GPR89A: variants seen among roughly 807,000 people sequenced by gnomAD.
GPR89A encodes the protein G protein-coupled receptor 89A.
A neutral mutation model predicts 52.0 loss-of-function variants in GPR89A; 16 were observed. That is an observed-to-expected ratio of 0.31 (90% CI 0.21 to 0.47). GPR89A has a LOEUF of 0.47. Among genes scored for constraint, GPR89A ranks in the 20% least tolerant of loss-of-function variants. The probability of loss-of-function intolerance (pLI) is 1.00; values close to 1 mark genes in which losing one functional copy is unlikely to be tolerated. For missense variants in GPR89A, 135 were observed against 449.4 expected, an observed-to-expected ratio of 0.30 and a Z score of 6.33; for synonymous variants, 55 against 150.9, an observed-to-expected ratio of 0.36 and a Z score of 4.66.
intron 5 of GPR89A, among the ~76,000 whole-genome samples, chr1:145,630,161 A>G (rs1214317726): frequency 8.4e-5 from 12 of 142,146 alleles, no homozygotes; most frequent in Non-Finnish European, 1.7e-4. Context: ...TTGCCTTTGA[A>G]TTACTCATTC....
At chr1:145,660,469 C>T (rs1436152626) in intron 10 of GPR89A, among the ~76,000 whole-genome samples, 1 of 151,882 alleles carries the variant, frequency 6.6e-6, no homozygotes, top group African/African-American at 2.4e-5. Flanking sequence ...TCTAATTAAA[C>T]TAAAGAGCTT....
intron 10 of GPR89A, among the ~76,000 whole-genome samples, chr1:145,651,060 C>G (rs1480355707): frequency 1.3e-5 from 2 of 151,982 alleles, no homozygotes; most frequent in Non-Finnish European, 2.9e-5. Context: ...TGTCATGAAA[C>G]CTTTGCCTGT....
At chr1:145,623,307 TAAAATAAATATTGAATGAATTGGCAC>T (rs1238947835) in intron 4 of GPR89A, 147 bp downstream of exon 4, 46 of 556,090 alleles carry the variant, frequency 8.3e-5, no homozygotes, top group Non-Finnish European at 1.3e-4. Context: ...AAAATAAATA[TAAAATAAATATTGAATGAATTGGCAC>T]AAAATAAATA....
intron 12 of GPR89A, among the ~76,000 whole-genome samples, chr1:145,667,927 C>G (rs1490113330): frequency 6.6e-6 from 1 of 152,148 alleles, no homozygotes; most frequent in Non-Finnish European, 1.5e-5. Context: ...TTCCATTGGT[C>G]TATATCTCTG....
chr1:145,611,369 G>C (rs1404312889), intron 1 of GPR89A: 1 of 149,872 alleles, frequency 6.7e-6, no homozygotes, highest in African/African-American at 2.5e-5. Flanking sequence ...GTAGTCTCCA[G>C]TTTCTGTTTT....
In GPR89A at chr1:145,636,722, A is replaced by AT. The variant is rs1425856745; in HGVS notation, c.617+4979dup. 2.0e-4 allele frequency among the ~76,000 whole-genome samples: 31 copies of AT among 152,232 alleles called. 2 individuals carry two copies. The Middle Eastern group carries it at 0.014, about 67-fold the overall frequency. On this transcript the variant is annotated intron_variant, in intron 7 of 13. Transcript: ENST00000313835. ...TAAGCAATTCTTTCTACAGAAAATC[A>AT]TAAAAACTGGAAAAAATATTAAAAG...
chr1:145,668,426 C>G (rs1559053442), intron 12 of GPR89A, among the ~76,000 whole-genome samples: 2 of 152,222 alleles, frequency 1.3e-5, no homozygotes, highest in Non-Finnish European at 2.9e-5. Context: ...GATTTTGTAT[C>G]CTGAGACTTT....
At chr1:145,613,197 C>T (rs1391478385) in intron 1 of GPR89A, among the ~76,000 whole-genome samples, 3 of 151,226 alleles carry the variant, frequency 2.0e-5, no homozygotes, top group African/African-American at 7.4e-5. Flanking sequence ...CATCCTCTGC[C>T]CCCTTTCCTA....
chr1:145,649,919 A>G (rs1446589526), intron 10 of GPR89A, among the ~76,000 whole-genome samples: 1 of 151,398 alleles, frequency 6.6e-6, no homozygotes. Context: ...GCATCTTTTC[A>G]TGTGCTTTTT....
At chr1:145,608,697 A>G in intron 1 of GPR89A, 6 of 864,876 alleles carry the variant, frequency 6.9e-6, no homozygotes, top group Non-Finnish European at 8.5e-6. Context: ...GCTTGAAAGT[A>G]TAAGGTTTCG....
At chr1:145,667,045 T>C (rs1318706454) in intron 12 of GPR89A, among the ~76,000 whole-genome samples, 1 of 152,170 alleles carries the variant, frequency 6.6e-6, no homozygotes, top group Admixed American at 6.5e-5. Flanking sequence ...GCAATAAACA[T>C]ACGTGTGCAT....
chr1:145,619,303 T>TA (rs1190730355), intron 3 of GPR89A, among the ~76,000 whole-genome samples: 1,268 of 18,658 alleles, frequency 0.068, 19 homozygotes, highest in South Asian at 0.21. Flanking sequence ...ATTGAAAGGT[T>TA]AAAAAAAAAA....
chr1:145,628,615 T>C (rs1454368237), intron 5 of GPR89A, among the ~76,000 whole-genome samples: 6 of 152,016 alleles, frequency 3.9e-5, no homozygotes, highest in African/African-American at 1.5e-4. Context: ...CAATAATATC[T>C]ACCTCATAGG....
chr1:145,615,658 CTCTA>C (rs1553686837), intron 1 of GPR89A, among the ~76,000 whole-genome samples: 1 of 116,450 alleles, frequency 8.6e-6, no homozygotes, highest in East Asian at 2.4e-4. Context: ...CCTAGTCTCA[CTCTA>C]TCACCCAGGC....
At chr1:145,654,952 T>G (rs1651712950) in intron 10 of GPR89A, among the ~76,000 whole-genome samples, 1 of 150,822 alleles carries the variant, frequency 6.6e-6, no homozygotes, top group Admixed American at 6.6e-5. Context: ...AGGTTCGGTA[T>G]TTTTATGTAA....
chr1:145,660,034 T>C, intron 10 of GPR89A, among the ~76,000 whole-genome samples: 1 of 152,004 alleles, frequency 6.6e-6, no homozygotes, highest in South Asian at 2.1e-4. Flanking sequence ...TTTGAAGCAA[T>C]TGTGAATGGG....
At chr1:145,609,278 C>T (rs1183091343) in intron 1 of GPR89A, among the ~76,000 whole-genome samples, 1 of 152,150 alleles carries the variant, frequency 6.6e-6, no homozygotes, top group African/African-American at 2.4e-5. Context: ...TAATACTCGT[C>T]TCCGTAGAGC....
At chr1:145,668,613 A>G (rs587627383) in intron 12 of GPR89A, among the ~76,000 whole-genome samples, 9 of 152,268 alleles carry the variant, frequency 5.9e-5, no homozygotes, top group African/African-American at 2.2e-4. Flanking sequence ...ACTATGCTGA[A>G]TAAGAGTGGT....
At chr1:145,642,985 G>A (rs2784314) in intron 7 of GPR89A, among the ~76,000 whole-genome samples, 2 of 151,768 alleles carry the variant, frequency 1.3e-5, no homozygotes, top group African/African-American at 2.4e-5. Flanking sequence ...AGGACAGATT[G>A]CAGAAGGTGA....
Sources: allele counts gnomAD v4.1 joint callset (sites outside exome capture counted in the v4.1 genomes callset), GRCh38; gene constraint gnomAD v4.1.1; transcripts MANE v1.5; gene names NCBI Gene and HGNC (gene_info 2026-07-23, HGNC 2026-07-21).